The following RTN4 variants were observed in gnomAD, a reference collection of about 807,000 sequenced individuals.
RTN4 encodes the protein reticulon 4.
Under a neutral mutation model 90.4 loss-of-function variants are expected in RTN4, and 32 were observed. The observed-to-expected ratio is 0.35, with a 90% CI of 0.27 to 0.48. RTN4 has a LOEUF of 0.48. Ranked by LOEUF, RTN4 falls within the 20% of genes least tolerant of loss-of-function variation. The probability of loss-of-function intolerance (pLI) is 0.99; values close to 1 mark genes in which losing one functional copy is unlikely to be tolerated. For missense variants in RTN4, 1,706 were observed against 1,430.2 expected, an observed-to-expected ratio of 1.19 and a Z score of -3.11; for synonymous variants, 629 against 552.5, an observed-to-expected ratio of 1.14 and a Z score of -1.94.
intron 2 of RTN4, among the ~76,000 whole-genome samples, chr2:55,074,517 C>CA (rs778275041): frequency 0.1 from 6,178 of 59,296 alleles, 533 homozygotes; most frequent in African/African-American, 0.28. Flanking sequence ...CTGCCCTCAC[C>CA]AAAAAAAAAA....
intron 5 of RTN4, among the ~76,000 whole-genome samples, chr2:54,976,619 G>A (rs953264506): frequency 2.8e-4 from 43 of 152,056 alleles, no homozygotes; most frequent in Admixed American, 1.1e-3. Context: ...ATACTTCGGC[G>A]GCCCAAAACA....
chr2:55,062,451 G>C (rs538586930), intron 2 of RTN4, among the ~76,000 whole-genome samples: 10 of 152,332 alleles, frequency 6.6e-5, no homozygotes, highest in South Asian at 6.2e-4. Context: ...CTGCGCGTCT[G>C]TGTGCTCCCC....
At chr2:55,057,064 T>C (rs567523923) in intron 2 of RTN4, among the ~76,000 whole-genome samples, 262 of 152,300 alleles carry the variant, frequency 1.7e-3, no homozygotes, top group African/African-American at 5.8e-3. Flanking sequence ...AAAACATAAT[T>C]TTTCAATGGT....
At chr2:55,136,220 T>C in the RTN4 span, among the ~76,000 whole-genome samples, 1 of 152,184 alleles carries the variant, frequency 6.6e-6, no homozygotes, top group Admixed American at 6.5e-5. Context: ...CACTGGTCTA[T>C]AACCTTCCTC....
At position 55,027,494 on chromosome 2, in the gene RTN4, A is replaced by G; in HGVS notation, c.614-9T>C. On this transcript the variant is annotated splice_polypyrimidine_tract_variant and intron_variant, in intron 2 of 8. Transcript: ENST00000337526. ...CTTCAAGTCCATATTTTCTGTGACC[A>G]TGGACAGAAAGGAAAGTTAGAGAAT... The G allele has an allele frequency of 1.9e-6, 3 of 1,582,662 alleles. No homozygotes were observed. Among genetic ancestry groups the G allele is most frequent in the Non-Finnish European group, 2.6e-6 (3 of 1,166,752 alleles).
At chr2:55,035,730 A>C (rs1682631857) in intron 1 of RTN4, among the ~76,000 whole-genome samples, 1 of 152,160 alleles carries the variant, frequency 6.6e-6, no homozygotes, top group Admixed American at 6.6e-5. Flanking sequence ...AGAGAGAGGA[A>C]GCAAGTATTG....
Position 54,973,473 on chromosome 2 carries a change from T to TTACTCA in RTN4, c.3536+84_3536+89dup, listed in dbSNP as rs1276131852. Reference sequence around the variant, plus strand: ...ACACTTAAGGTCTGATAGAGATTTGTTACTCATTATGCCTGCAATATGAAA... The same window carrying TTACTCA: ...ACACTTAAGGTCTGATAGAGATTTGTTACTCATACTCATTATGCCTGCAATATGAAA... On this transcript the variant is annotated intron_variant, in intron 8 of 8. Transcript: ENST00000337526. 3 of 1,012,236 alleles carry TTACTCA rather than the reference T, an allele frequency of 3.0e-6. No individual in the cohort carries two copies. In the African/African-American group the frequency reaches 4.8e-5, roughly 16 times the overall value. The allele number at this position is 1,012,236 out of a possible 1,614,324, so 62.7% of individuals were successfully genotyped here.
chr2:55,069,456 TG>T (rs1275814113), intron 2 of RTN4, among the ~76,000 whole-genome samples: 4 of 152,300 alleles, frequency 2.6e-5, no homozygotes, highest in African/African-American at 9.6e-5. Flanking sequence ...AAAAACAAAC[TG>T]AAAATATCTG....
the RTN4 span, among the ~76,000 whole-genome samples, chr2:55,125,901 A>G: frequency 6.6e-6 from 1 of 151,610 alleles, no homozygotes; most frequent in African/African-American, 2.4e-5. Flanking sequence ...CTCTAATAAA[A>G]ATACAAAAAA....
At chr2:54,983,109 G>C (rs1218582526) in intron 4 of RTN4, among the ~76,000 whole-genome samples, 1 of 149,378 alleles carries the variant, frequency 6.7e-6, no homozygotes, top group East Asian at 2.0e-4. Flanking sequence ...GTCTCATCAC[G>C]TTTTCCTAAC....
intron 1 of RTN4, among the ~76,000 whole-genome samples, chr2:55,102,111 T>G (rs1342887424): frequency 1.3e-5 from 2 of 152,142 alleles, no homozygotes. Context: ...CCAAATTCCT[T>G]AAAGATGAGA....
intron 1 of RTN4, among the ~76,000 whole-genome samples, chr2:55,097,590 G>A (rs2105052080): frequency 6.6e-6 from 1 of 152,228 alleles, no homozygotes; most frequent in African/African-American, 2.4e-5. Flanking sequence ...AGCTTCAGGA[G>A]GCCTCGAAGA....
chr2:55,035,747 A>G (rs766276346), intron 1 of RTN4, among the ~76,000 whole-genome samples: 9 of 152,264 alleles, frequency 5.9e-5, no homozygotes, highest in Middle Eastern at 3.4e-3. Context: ...ATTGAAAATA[A>G]AAGAGGGACT....
upstream of RTN4, among the ~76,000 whole-genome samples, chr2:55,055,296 A>G (rs181017534): frequency 6.6e-6 from 1 of 151,924 alleles, no homozygotes; most frequent in Non-Finnish European, 1.5e-5. Context: ...ATGTGTCCTC[A>G]TATGAAGAAA....
chr2:55,119,013 G>A, the RTN4 span, among the ~76,000 whole-genome samples: 4 of 152,180 alleles, frequency 2.6e-5, no homozygotes, highest in Admixed American at 6.5e-5. Flanking sequence ...GAGAGATATC[G>A]GGGGAAGAAT....
At position 55,047,479 on chromosome 2, in the gene RTN4, T is replaced by G. The variant is rs182304131; in HGVS notation, c.556+2266A>C. ...ACCTTTAATATGGCAATTAGTGTTT[T>G]GAGTAGTATGGGGGTGAGGAGTCCG... On this transcript the variant is annotated intron_variant, in intron 1 of 8. Coordinates refer to ENST00000337526, the MANE Select transcript of RTN4 (RefSeq NM_020532.5). Among the ~76,000 whole-genome samples, 323 of 152,230 alleles carry G rather than the reference T, an allele frequency of 2.1e-3. 2 individuals carry two copies. The highest frequency in any genetic ancestry group is 3.4e-3 in the Non-Finnish European group (232 of 68,026).
intron 3 of RTN4, among the ~76,000 whole-genome samples, chr2:55,019,040 A>G (rs556965198): frequency 3.2e-4 from 49 of 152,156 alleles, no homozygotes; most frequent in Non-Finnish European, 6.3e-4. Flanking sequence ...CCCCAAAGAA[A>G]GAAGGTTGCA....
intron 1 of RTN4, among the ~76,000 whole-genome samples, chr2:55,045,146 A>G (rs1384703094): frequency 1.3e-5 from 2 of 152,196 alleles, no homozygotes; most frequent in Non-Finnish European, 2.9e-5. Context: ...AAAACTAGTA[A>G]TTTTTAAGCC....
chr2:54,999,396 A>C (rs2104738880), intron 3 of RTN4, among the ~76,000 whole-genome samples: 1 of 152,282 alleles, frequency 6.6e-6, no homozygotes, highest in South Asian at 2.1e-4. Flanking sequence ...TTTTGCCTCA[A>C]ATCAAATTCT....
Sources: allele counts gnomAD v4.1 joint callset (sites outside exome capture counted in the v4.1 genomes callset), GRCh38; gene constraint gnomAD v4.1.1; transcripts MANE v1.5; gene names NCBI Gene and HGNC (gene_info 2026-07-23, HGNC 2026-07-21).